Variants in CPSF6 observed in about 807,000 individuals in gnomAD.
The protein encoded by CPSF6 is cleavage and polyadenylation specificity factor subunit 6.
In CPSF6, 10 loss-of-function variants were observed where a neutral mutation model predicts 56.7. That is an observed-to-expected ratio of 0.18 (90% CI 0.11 to 0.30). CPSF6 has a LOEUF of 0.30. Ranked by LOEUF, CPSF6 falls within the 10% of genes least tolerant of loss-of-function variation. CPSF6 has a pLI of 1.00. For missense variants in CPSF6, 419 were observed against 722.9 expected (o/e 0.58, Z 4.82); for synonymous variants, 248 against 244.8 (o/e 1.01, Z -0.12).
At chr12:69,268,842 A>G (rs999014007) in intron 9 of CPSF6, among the ~76,000 whole-genome samples, 1 of 151,760 alleles carries the variant, frequency 6.6e-6, no homozygotes, top group Non-Finnish European at 1.5e-5. Context: ...TTAGTTTATA[A>G]TACTACGTTA....
At chr12:69,249,133 G>A (rs12815967) in intron 1 of CPSF6, among the ~76,000 whole-genome samples, 54,326 of 104,110 alleles carry the variant, frequency 0.52, 15,531 homozygotes, top group East Asian at 0.75. Context: ...GGTAGCGGGC[G>A]CCTGTAGTCC....
rs1164293473 is a variant in CPSF6 at position 69,273,022 on chromosome 12, T to G, written c.*3514T>G. 5 of 236,592 alleles carry G rather than the reference T, an allele frequency of 2.1e-5. No individual in the cohort carries two copies. The East Asian group carries it at 5.7e-4, about 27-fold the overall frequency. The allele number at this position is 236,592 out of a possible 1,614,324, so 14.7% of individuals were successfully genotyped here. On this transcript the variant is annotated 3_prime_UTR_variant, in exon 10 of 10. Transcript: ENST00000435070. ...ATTCAACCAAAAATTATAAATTTAT[T>G]AAGATGTGGCCTTACATATGGCATT...
Position 69,258,549 on chromosome 12 carries a change from G to T in CPSF6, c.695-41G>T, listed in dbSNP as rs779829344. 3.4e-6 allele frequency: 5 copies of T among 1,463,278 alleles called. No individual in the cohort carries two copies. Among genetic ancestry groups the T allele is most frequent in the Middle Eastern group, 1.8e-4 (1 of 5,600 alleles). The allele number at this position is 1,463,278 out of a possible 1,614,324, so 90.6% of individuals were successfully genotyped here. On this transcript the variant is annotated intron_variant, in intron 5 of 9. Coordinates refer to ENST00000435070, the MANE Select transcript of CPSF6 (RefSeq NM_007007.3). The surrounding 1 kb of genome is among the most constrained non-coding windows in gnomAD (Gnocchi z 4.2). ...ATATAAAAGTTAAAATATCTTATTA[G>T]TGAAGTGTTTTTTTTTCTCTCTTTC... is the stretch of plus-strand genomic sequence containing the variant.
intron 1 of CPSF6, among the ~76,000 whole-genome samples, chr12:69,248,651 T>C (rs1284854586): frequency 6.6e-6 from 1 of 152,198 alleles, no homozygotes; most frequent in Non-Finnish European, 1.5e-5. Flanking sequence ...TATTTTAGTA[T>C]TGCTGTACAA....
chr12:69,239,992 T>G (rs1871520414), intron 1 of CPSF6, among the ~76,000 whole-genome samples: 1 of 150,828 alleles, frequency 6.6e-6, no homozygotes, highest in African/African-American at 2.4e-5. Context: ...TCGCTCCCTA[T>G]TGTTGGCGGC....
chr12:69,239,906 G>T (rs796242313), intron 1 of CPSF6, among the ~76,000 whole-genome samples, 200 bp downstream of exon 1: 1 of 149,060 alleles, frequency 6.7e-6, no homozygotes, highest in Non-Finnish European at 1.5e-5. Context: ...CGGGCGCGGC[G>T]AGTCGCCGCG....
At chr12:69,263,077 A>G (rs1442166515) in intron 9 of CPSF6, among the ~76,000 whole-genome samples, 1 of 114,428 alleles carries the variant, frequency 8.7e-6, no homozygotes, top group Non-Finnish European at 1.8e-5. Flanking sequence ...TTCAAAGAGA[A>G]TTTTCCTTTA....
intron 1 of CPSF6, among the ~76,000 whole-genome samples, chr12:69,250,238 CTA>C (rs1454604019): frequency 4.0e-5 from 6 of 151,682 alleles, no homozygotes; most frequent in Non-Finnish European, 7.4e-5. Flanking sequence ...AAAATAATAA[CTA>C]TTTTTCTGTG....
At chr12:69,265,325 T>C (rs1052514786) in intron 9 of CPSF6, among the ~76,000 whole-genome samples, 2 of 152,214 alleles carry the variant, frequency 1.3e-5, no homozygotes, top group Non-Finnish European at 2.9e-5. Context: ...TGTACATTTT[T>C]TACTGAAATA....
chr12:69,265,389 T>C (rs992102119), intron 9 of CPSF6, among the ~76,000 whole-genome samples: 4 of 152,176 alleles, frequency 2.6e-5, no homozygotes, highest in African/African-American at 7.2e-5. Flanking sequence ...TTGTCACTTC[T>C]TTGGAACATC....
At position 69,251,110 on chromosome 12, in the gene CPSF6, CATT is replaced by C; in HGVS notation, c.61-15_61-13del. ...ATTTTGACTTTTGTATAATCTAGAG[CATT>C]ATTTCTGTATCTCAGGAAGCTGAAT... On this transcript the variant is annotated splice_polypyrimidine_tract_variant and intron_variant, in intron 1 of 9. Coordinates refer to ENST00000435070, the MANE Select transcript of CPSF6 (RefSeq NM_007007.3). 6 of 1,600,246 alleles carry C rather than the reference CATT, an allele frequency of 3.7e-6. No individual in the cohort carries two copies. The highest frequency in any genetic ancestry group is 5.1e-6 in the Non-Finnish European group (6 of 1,170,086).
At chr12:69,251,010 C>T in intron 1 of CPSF6, 119 bp from the exon 2 acceptor site, 4 of 973,314 alleles carry the variant, frequency 4.1e-6, no homozygotes, top group East Asian at 5.2e-5. Context: ...AAGATTTGTA[C>T]TGAAATCCTT....
At position 69,258,432 on chromosome 12, in the gene CPSF6, A is replaced by G. The variant is rs972705164; in HGVS notation, c.695-158A>G. Among the ~76,000 whole-genome samples, 1 of 152,234 alleles carries G rather than the reference A, an allele frequency of 6.6e-6. No individual in the cohort carries two copies. Among genetic ancestry groups the G allele is most frequent in the Non-Finnish European group, 1.5e-5 (1 of 68,044 alleles). On this transcript the variant is annotated intron_variant, in intron 5 of 9. Coordinates refer to ENST00000435070, the MANE Select transcript of CPSF6 (RefSeq NM_007007.3). This position sits in a 1 kb window ranked among gnomAD's most constrained non-coding sequence, Gnocchi z 4.2. ...AGTTAAATTTGTAAGGATATACTTC[A>G]TTGTAGTTGGTAGTGTAACATTTAC...
chr12:69,239,910 C>G (rs1167427474), intron 1 of CPSF6, among the ~76,000 whole-genome samples: 2 of 149,100 alleles, frequency 1.3e-5, no homozygotes, highest in Non-Finnish European at 3.0e-5. Context: ...CGCGGCGAGT[C>G]GCCGCGGGGC....
chr12:69,272,478 A>G lies in CPSF6; in HGVS notation c.*2970A>G, dbSNP rs941244795. ...TTTCCCTTATGTATTTAACTGTGCC[A>G]ATCTAAATACATACTGTTTTATACA... On this transcript the variant is annotated 3_prime_UTR_variant, in exon 10 of 10. Transcript: ENST00000435070. 1 of 151,744 alleles carries G rather than the reference A, an allele frequency of 6.6e-6. No homozygotes were observed. The highest frequency in any genetic ancestry group is 2.4e-5 in the African/African-American group (1 of 41,422). The allele number at this position is 151,744 out of a possible 1,614,324, so 9.4% of individuals were successfully genotyped here. A position where few individuals can be genotyped will look rare whatever the true frequency, so the allele number is the denominator to read the frequency against.
In CPSF6 at chr12:69,258,220, A is replaced by G. The variant is rs1035008333; in HGVS notation, c.694+315A>G. ...TCCGTCTTACTTTCTTACCTCTTAA[A>G]AAAATCCTTTCAAGATCATTTTTCC... On this transcript the variant is annotated intron_variant, in intron 5 of 9. Coordinates refer to ENST00000435070, the MANE Select transcript of CPSF6 (RefSeq NM_007007.3). The surrounding 1 kb of genome is among the most constrained non-coding windows in gnomAD (Gnocchi z 4.2). The G allele has an allele frequency of 1.2e-6, 1 of 866,884 alleles. No individual in the cohort carries two copies. The highest frequency in any genetic ancestry group is 1.7e-5 in the African/African-American group (1 of 58,468). The allele number at this position is 866,884 out of a possible 1,614,324, so 53.7% of individuals were successfully genotyped here. A position where few individuals can be genotyped will look rare whatever the true frequency, so the allele number is the denominator to read the frequency against.
chr12:69,258,254 C>G lies in CPSF6; in HGVS notation c.695-336C>G, dbSNP rs894896891. On this transcript the variant is annotated intron_variant, in intron 5 of 9. Transcript: ENST00000435070. The surrounding 1 kb of genome is among the most constrained non-coding windows in gnomAD (Gnocchi z 4.2). ...TTCAAGATCATTTTTCCTTGTTTCA[C>G]TTTCTAGCTTGGCATCAGAGTAGAA... The G allele has an allele frequency of 1.4e-6, 1 of 714,914 alleles. No individual in the cohort carries two copies. Among genetic ancestry groups the G allele is most frequent in the African/African-American group, 1.8e-5 (1 of 56,028 alleles). 44.3% of individuals were successfully genotyped at this position (714,914 alleles called of 1,614,324 possible).
In CPSF6 at chr12:69,274,045, C is replaced by T. The variant is rs1042172844; in HGVS notation, c.*4537C>T. The T allele has an allele frequency of 2.0e-5, 3 of 149,904 alleles. No individual in the cohort carries two copies. Among genetic ancestry groups the T allele is most frequent in the African/African-American group, 7.4e-5 (3 of 40,684 alleles). The allele number at this position is 149,904 out of a possible 1,614,324, so 9.3% of individuals were successfully genotyped here. A position where few individuals can be genotyped will look rare whatever the true frequency, so the allele number is the denominator to read the frequency against. ...AAAGTCTTAAAATTTTAGCTATTGA[C>T]TCTATGGTGACTTCACAATAAGATT... On this transcript the variant is annotated 3_prime_UTR_variant, in exon 10 of 10. Coordinates refer to ENST00000435070, the MANE Select transcript of CPSF6 (RefSeq NM_007007.3).
rs757136325 is a variant in CPSF6 at position 69,273,167 on chromosome 12, A to G, written c.*3659A>G. ...TCTAGGCTTCTGGGAGGAAGTTCTT[A>G]TACTCTTCTTTCTTGGCATTAGAAA... On this transcript the variant is annotated 3_prime_UTR_variant, in exon 10 of 10. Transcript: ENST00000435070. 1.9e-6 allele frequency: 1 copy of G among 513,702 alleles called. No individual in the cohort carries two copies. The highest frequency in any genetic ancestry group is 1.5e-5 in the South Asian group (1 of 67,150). 31.8% of individuals were successfully genotyped at this position (513,702 alleles called of 1,614,324 possible). A position where few individuals can be genotyped will look rare whatever the true frequency, so the allele number is the denominator to read the frequency against.
Sources: gnomAD v4.1 joint callset for allele counts (sites outside exome capture counted in the v4.1 genomes callset) on GRCh38, gnomAD v4.1.1 for gene constraint, Gnocchi (gnomAD v3.1) non-coding constraint, MANE v1.5 for transcripts, NCBI Gene and HGNC (gene_info 2026-07-23, HGNC 2026-07-21) for gene names.